The following PREX1 variants were observed in gnomAD, a reference collection of about 807,000 sequenced individuals.
The protein encoded by PREX1 is phosphatidylinositol 3,4,5-trisphosphate-dependent Rac exchanger 1 protein.
In PREX1, 41 loss-of-function variants were observed where a neutral mutation model predicts 198.3. The ratio of observed to expected loss-of-function variants is 0.21; its 90% CI spans 0.16 to 0.27. PREX1 has a LOEUF of 0.27. PREX1 is among the 10% of genes least tolerant of loss of function. The pLI, the probability that PREX1 is intolerant of heterozygous loss-of-function variation, is 1.00. For missense variants in PREX1, 1,620 were observed against 2,200.7 expected, an observed-to-expected ratio of 0.74 and a Z score of 5.28; for synonymous variants, 843 against 887.2, an observed-to-expected ratio of 0.95 and a Z score of 0.89.
At chr20:48,855,340 A>C in the PREX1 span, among the ~76,000 whole-genome samples, 17 of 152,090 alleles carry the variant, frequency 1.1e-4, no homozygotes, top group African/African-American at 4.1e-4. Flanking sequence ...TGGTTTTAAT[A>C]ATCTTGATTT....
chr20:48,730,413 CCACACACACA>C (rs71827793), intron 4 of PREX1, among the ~76,000 whole-genome samples: 53 of 146,792 alleles, frequency 3.6e-4, no homozygotes, highest in Non-Finnish European at 5.3e-4. Context: ...GCAAAAGCCA[CCACACACACA>C]CACACACACA....
chr20:48,656,858 A>T (rs1253856180), intron 18 of PREX1, among the ~76,000 whole-genome samples, 182 bp downstream of exon 18: 1 of 152,192 alleles, frequency 6.6e-6, no homozygotes, highest in African/African-American at 2.4e-5. Context: ...CCAAACTGCC[A>T]CCAAGCACAG....
chr20:48,630,897 C>T, intron 35 of PREX1, 103 bp from the exon 36 acceptor site: 3 of 843,604 alleles, frequency 3.6e-6, no homozygotes, highest in Non-Finnish European at 5.8e-6. Flanking sequence ...CCGCCCTCTG[C>T]CGACTCTCAG....
At chr20:48,635,781 C>A (rs2039026877) in intron 32 of PREX1, among the ~76,000 whole-genome samples, 1 of 152,238 alleles carries the variant, frequency 6.6e-6, no homozygotes, top group African/African-American at 2.4e-5. Flanking sequence ...GCCCCCAGCT[C>A]CCAGCTCAGG....
At position 48,649,853 on chromosome 20, in the gene PREX1, C is replaced by T. The variant is rs1253248388; in HGVS notation, c.3028+143G>A. 6.8e-6 allele frequency: 7 copies of T among 1,024,750 alleles called. No individual in the cohort carries two copies. In the Admixed American group the frequency reaches 7.2e-5, roughly 10 times the overall value. 63.5% of individuals were successfully genotyped at this position (1,024,750 alleles called of 1,614,324 possible). A position where few individuals can be genotyped will look rare whatever the true frequency, so the allele number is the denominator to read the frequency against. ...AGGCATAAAGCCACATCTAGAGATG[C>T]TGTCCCATAAAGAGAGAAGGTCATC... On this transcript the variant is annotated intron_variant, in intron 24 of 39. Transcript: ENST00000371941.
chr20:48,634,008 TGGAC>T (rs1448321659), intron 33 of PREX1, among the ~76,000 whole-genome samples: 1 of 151,394 alleles, frequency 6.6e-6, no homozygotes, highest in Non-Finnish European at 1.5e-5. Context: ...GATGGATGGA[TGGAC>T]AGATGTTTGG....
At chr20:48,700,567 A>C (rs2089868549) in intron 7 of PREX1, among the ~76,000 whole-genome samples, 186 bp downstream of exon 7, 1 of 152,142 alleles carries the variant, frequency 6.6e-6, no homozygotes, top group Admixed American at 6.6e-5. Context: ...TTACTTTTTT[A>C]AATGTGGCTA....
At chr20:48,643,799 AAATAGCTGG>A (rs1382464727) in intron 27 of PREX1, among the ~76,000 whole-genome samples, 2 of 152,040 alleles carry the variant, frequency 1.3e-5, no homozygotes, top group Non-Finnish European at 2.9e-5. Flanking sequence ...TCAGCCTCCC[AAATAGCTGG>A]GATTACAGGT....
At chr20:48,763,210 T>C in intron 1 of PREX1, among the ~76,000 whole-genome samples, 1 of 152,150 alleles carries the variant, frequency 6.6e-6, no homozygotes, top group Non-Finnish European at 1.5e-5. Context: ...ATTTGATGGG[T>C]TAGGATAAAA....
At chr20:48,725,441 T>A (rs935637606) in intron 5 of PREX1, among the ~76,000 whole-genome samples, 4 of 152,096 alleles carry the variant, frequency 2.6e-5, no homozygotes, top group African/African-American at 9.7e-5. Context: ...GACTTCTCCA[T>A]CCCCACAGAA....
chr20:48,669,628 A>G (rs1221632391), intron 14 of PREX1, among the ~76,000 whole-genome samples: 2 of 152,108 alleles, frequency 1.3e-5, no homozygotes, highest in African/African-American at 4.8e-5. Context: ...ACCTAGTTTG[A>G]AAACTGATTC....
the PREX1 span, among the ~76,000 whole-genome samples, chr20:48,866,362 G>A: frequency 6.6e-6 from 1 of 152,142 alleles, no homozygotes; most frequent in East Asian, 1.9e-4. Context: ...TGGGTCCTGT[G>A]GCTCAAGGCC....
intron 35 of PREX1, among the ~76,000 whole-genome samples, chr20:48,631,793 C>T (rs1024929851): frequency 1.3e-5 from 2 of 152,050 alleles, no homozygotes; most frequent in African/African-American, 2.4e-5. Context: ...AAGCTGCCTC[C>T]CAGAACCTGT....
At position 48,628,017 on chromosome 20, in the gene PREX1, G is replaced by A. The variant is rs73909694; in HGVS notation, c.4767-54C>T. 6 of 1,053,656 alleles carry A rather than the reference G, an allele frequency of 5.7e-6. No individual in the cohort carries two copies. In the Admixed American group the frequency reaches 6.0e-5, roughly 11 times the overall value. The allele number at this position is 1,053,656 out of a possible 1,614,324, so 65.3% of individuals were successfully genotyped here. ...TGGCGGTGGGGGGACAGGGGTCGGG[G>A]GAGGACAGCGGGAGTCAGAGGACAG... On this transcript the variant is annotated intron_variant, in intron 37 of 39. Coordinates refer to ENST00000371941, the MANE Select transcript of PREX1 (RefSeq NM_020820.4).
At chr20:48,873,904 G>C in the PREX1 span, among the ~76,000 whole-genome samples, 2 of 151,906 alleles carry the variant, frequency 1.3e-5, no homozygotes, top group Non-Finnish European at 2.9e-5. Flanking sequence ...CCTTGGTGCC[G>C]AGACAGTCTT....
intron 21 of PREX1, 109 bp downstream of exon 21, chr20:48,652,477 G>A (rs753868326): frequency 3.6e-6 from 5 of 1,404,298 alleles, no homozygotes; most frequent in African/African-American, 1.5e-5. Flanking sequence ...TGGCATGGAG[G>A]TGGACTGGCT....
intron 21 of PREX1, 148 bp from the exon 22 acceptor site, chr20:48,651,731 G>C (rs532483481): frequency 6.7e-6 from 5 of 744,956 alleles, no homozygotes; most frequent in Middle Eastern, 3.5e-4. Flanking sequence ...AGAGTAGAGA[G>C]GCGAGTGGGG....
chr20:48,794,067 A>G (rs1010725715), intron 1 of PREX1, among the ~76,000 whole-genome samples: 1 of 152,038 alleles, frequency 6.6e-6, no homozygotes, highest in African/African-American at 2.4e-5. Context: ...GGACAAGAGG[A>G]CCCCTACCCC....
chr20:48,718,418 GA>G (rs1303845675), intron 5 of PREX1, among the ~76,000 whole-genome samples: 4 of 151,966 alleles, frequency 2.6e-5, no homozygotes, highest in African/African-American at 9.7e-5. Flanking sequence ...ATAAATAAAG[GA>G]AAAAGAGCAA....
Sources: allele counts gnomAD v4.1 joint callset (sites outside exome capture counted in the v4.1 genomes callset), GRCh38; gene constraint gnomAD v4.1.1; transcripts MANE v1.5; gene names NCBI Gene and HGNC (gene_info 2026-07-23, HGNC 2026-07-21).